Variants in SEC14L3 observed in about 807,000 individuals in gnomAD.
SEC14L3 encodes the protein SEC14-like protein 3.
Under a neutral mutation model 57.4 loss-of-function variants are expected in SEC14L3, and 56 were observed. The ratio of observed to expected loss-of-function variants is 0.97; its 90% CI spans 0.79 to 1.22. SEC14L3 has a LOEUF of 1.22. Among genes scored for constraint, SEC14L3 ranks in the 50% most tolerant of loss-of-function variants. The pLI is 0.00. For synonymous variants in SEC14L3, 173 were observed against 194.4 expected, an observed-to-expected ratio of 0.89 and a Z score of 0.92; for missense variants, 485 against 511.7, an observed-to-expected ratio of 0.95 and a Z score of 0.50.
chr22:30,465,003 C>A, intron 7 of SEC14L3, 100 bp from the exon 8 acceptor site: 2 of 1,554,776 alleles, frequency 1.3e-6, no homozygotes, highest in African/African-American at 1.4e-5. Context: ...TCATGACTAA[C>A]CCTGGTCAAT....
chr22:30,470,705 G>A, intron 1 of SEC14L3, 123 bp from the exon 2 acceptor site: 1 of 1,527,112 alleles, frequency 6.5e-7, no homozygotes. Context: ...TTGATGAAAG[G>A]ATGGGTTAAT....
chr22:30,471,040 T>A (rs933604056), intron 1 of SEC14L3: 2 of 321,754 alleles, frequency 6.2e-6, no homozygotes, highest in Admixed American at 4.6e-5. Context: ...ATCCCAGCAC[T>A]TTAGGAGGCT....
At chr22:30,464,973 T>C (rs1033697616) in intron 7 of SEC14L3, 70 bp from the exon 8 acceptor site, 9 of 1,605,622 alleles carry the variant, frequency 5.6e-6, no homozygotes, top group Admixed American at 5.0e-5. Context: ...ATAATGGTTA[T>C]AGCCAATGAT....
At chr22:30,468,465 T>A in intron 5 of SEC14L3, 43 bp downstream of exon 5, 1 of 1,498,896 alleles carries the variant, frequency 6.7e-7, no homozygotes, top group Non-Finnish European at 9.2e-7. Context: ...CCCGGCAGCC[T>A]CACCTGCCCC....
chr22:30,456,299 C>CA (rs61284271), downstream of SEC14L3, among the ~76,000 whole-genome samples: 30,396 of 95,888 alleles, frequency 0.32, 4,917 homozygotes, highest in South Asian at 0.52. Context: ...ACCCTGTCTC[C>CA]AAAAAAAAAA....
intron 4 of SEC14L3, 92 bp downstream of exon 4, chr22:30,469,927 C>G (rs193025152): frequency 2.1e-6 from 2 of 949,006 alleles, no homozygotes; most frequent in Non-Finnish European, 3.2e-6. Flanking sequence ...GTTCCACAGG[C>G]CTCTCAGGCT....
At chr22:30,452,037 G>GAATAA (rs1569224115) in intron 12 of SEC14L3, among the ~76,000 whole-genome samples, 10 of 138,254 alleles carry the variant, frequency 7.2e-5, no homozygotes, top group African/African-American at 2.7e-4. Flanking sequence ...GAAAAGAAAA[G>GAATAA]AAAGAAGAAA....
At chr22:30,471,599 C>T (rs559094837) in intron 1 of SEC14L3, among the ~76,000 whole-genome samples, 9 of 152,144 alleles carry the variant, frequency 5.9e-5, no homozygotes, top group African/African-American at 1.2e-4. Context: ...GAGGGAGGAA[C>T]GGGGGTACCT....
rs902359877 is a variant in SEC14L3, at chr22:30,465,784, T to G, written c.580+550A>C. ...CCAAGCAACCAACTGGCCAGTCAGCTGAACAACCAATCAAGCAACCAACTG... is the reference window on the plus strand; with the variant it reads ...CCAAGCAACCAACTGGCCAGTCAGCGGAACAACCAATCAAGCAACCAACTG... On this transcript the variant is annotated intron_variant, in intron 7 of 11. Transcript: ENST00000215812. Among the ~76,000 whole-genome samples the G allele has an allele frequency of 2.3e-4, 35 of 152,182 alleles. 2 individuals carry two copies. The highest frequency in any genetic ancestry group is 2.9e-5 in the Non-Finnish European group (2 of 68,026).
Position 30,459,797 on chromosome 22 carries a change from T to A in SEC14L3, c.*224A>T. 4 of 1,227,286 alleles carry A rather than the reference T, an allele frequency of 3.3e-6. No individual in the cohort carries two copies. Among genetic ancestry groups the A allele is most frequent in the Non-Finnish European group, 4.1e-6 (4 of 977,700 alleles). The allele number at this position is 1,227,286 out of a possible 1,614,324, so 76.0% of individuals were successfully genotyped here. On this transcript the variant is annotated 3_prime_UTR_variant, in exon 12 of 12. Transcript: ENST00000215812. ...TGACACCCACTTCTTGCCTTTACCC[T>A]TGCTTTTTCCTCTTCTGCAACCTTG...
intron 12 of SEC14L3, among the ~76,000 whole-genome samples, chr22:30,450,981 G>A (rs77717420): frequency 0.02 from 3,046 of 152,348 alleles, 99 homozygotes; most frequent in African/African-American, 0.067. Context: ...TGCCCGGGCA[G>A]AATGTTGTCC....
At chr22:30,455,097 AATATATTTAATATTTAATATTT>A (rs1232228259), downstream of SEC14L3, among the ~76,000 whole-genome samples, 24 of 35,478 alleles carry the variant, frequency 6.8e-4, no homozygotes, top group African/African-American at 4.0e-3. Context: ...TTTAATATAT[AATATATTTAATATTTAATATTT>A]AATATATATT....
intron 6 of SEC14L3, 57 bp from the exon 7 acceptor site, chr22:30,466,451 T>C: frequency 6.2e-7 from 1 of 1,612,680 alleles, no homozygotes; most frequent in Non-Finnish European, 8.5e-7. Flanking sequence ...CCTACCTCCA[T>C]CTCCTGTGCA....
chr22:30,467,198 A>C (rs975543587), intron 5 of SEC14L3, 121 bp from the exon 6 acceptor site: 1 of 1,384,906 alleles, frequency 7.2e-7, no homozygotes, highest in Admixed American at 2.2e-5. Context: ...CAGAGGAACA[A>C]GTAGACTAAC....
intron 8 of SEC14L3, among the ~76,000 whole-genome samples, chr22:30,462,553 T>C (rs928299328): frequency 1.3e-5 from 2 of 152,112 alleles, no homozygotes; most frequent in South Asian, 2.1e-4. Context: ...ACTACAAGCA[T>C]GTACCACCAT....
downstream of SEC14L3, among the ~76,000 whole-genome samples, chr22:30,454,735 TATA>T (rs1199568649): frequency 6.4e-4 from 47 of 73,460 alleles, no homozygotes; most frequent in Admixed American, 1.2e-3. Context: ...ATCTATAATA[TATA>T]ATAATATTAT....
chr22:30,464,452 A>G (rs1242419322), intron 8 of SEC14L3, among the ~76,000 whole-genome samples: 1 of 152,070 alleles, frequency 6.6e-6, no homozygotes, highest in African/African-American at 2.4e-5. Flanking sequence ...TGTTTTTGAG[A>G]TAGGTTCTCA....
chr22:30,457,737 T>G (rs979307350), downstream of SEC14L3, among the ~76,000 whole-genome samples: 9 of 151,912 alleles, frequency 5.9e-5, no homozygotes, highest in Admixed American at 4.6e-4. Flanking sequence ...TTCTCTTCTC[T>G]TCCTTCCTTT....
intron 1 of SEC14L3, 56 bp downstream of exon 1, chr22:30,471,849 C>A (rs1277012619): frequency 6.2e-6 from 10 of 1,611,562 alleles, no homozygotes; most frequent in Non-Finnish European, 8.5e-6. Context: ...CACTTCTTTC[C>A]ACCCCCCAGC....
Sources: allele counts gnomAD v4.1 joint callset (sites outside exome capture counted in the v4.1 genomes callset), GRCh38; gene constraint gnomAD v4.1.1; transcripts MANE v1.5; gene names NCBI Gene and HGNC (gene_info 2026-07-23, HGNC 2026-07-21).